TOMM20: variants seen among roughly 807,000 people sequenced by gnomAD.
The protein encoded by TOMM20 is mitochondrial import receptor subunit TOM20 homolog.
A neutral mutation model predicts 22.1 loss-of-function variants in TOMM20; 10 were observed. The observed-to-expected ratio is 0.45, with a 90% CI of 0.28 to 0.77. The LOEUF is 0.77. TOMM20 is among the 30% of genes least tolerant of loss of function. The pLI, the probability that TOMM20 is intolerant of heterozygous loss-of-function variation, is 0.13. For missense variants in TOMM20, 121 were observed against 172.2 expected, an observed-to-expected ratio of 0.70 and a Z score of 1.66; for synonymous variants, 55 against 61.4, an observed-to-expected ratio of 0.90 and a Z score of 0.49.
At chr1:235,122,441 G>T in intron 1 of TOMM20, 69 bp from the exon 2 acceptor site, 1 of 1,412,866 alleles carries the variant, frequency 7.1e-7, no homozygotes, top group Non-Finnish European at 9.7e-7. Flanking sequence ...AATTCTAACT[G>T]CTGTGGCAGT....
chr1:235,127,723 G>A (rs781741976), intron 1 of TOMM20: 1 of 362,954 alleles, frequency 2.8e-6, no homozygotes, highest in Non-Finnish European at 5.6e-6. Flanking sequence ...TCAATGATGC[G>A]AATGAAGATT....
At position 235,111,390 on chromosome 1, in the gene TOMM20, TA is replaced by T. The variant is rs1660736274; in HGVS notation, c.*673del. ...ACTAGCGAAGCTCACAAGGCTAGAT[TA>T]GGGGTGTACAGAAATCTAATTCCTG... On this transcript the variant is annotated 3_prime_UTR_variant, in exon 5 of 5. Transcript: ENST00000366607. 1 of 152,308 alleles carries T rather than the reference TA, an allele frequency of 6.6e-6. No individual in the cohort carries two copies. The highest frequency in any genetic ancestry group is 1.5e-5 in the Non-Finnish European group (1 of 68,132). 9.4% of individuals were successfully genotyped at this position (152,308 alleles called of 1,614,324 possible).
At chr1:235,119,477 A>G in intron 3 of TOMM20, 1 of 165,694 alleles carries the variant, frequency 6.0e-6, no homozygotes, top group Admixed American at 6.2e-5. Flanking sequence ...TTCAGTTACT[A>G]TTTACATATC....
Position 235,128,816 on chromosome 1 carries a change from C to T in TOMM20, c.-101G>A. The T allele has an allele frequency of 6.4e-7, 1 of 1,555,234 alleles. No individual in the cohort carries two copies. Among genetic ancestry groups the T allele is most frequent in the Non-Finnish European group, 8.7e-7 (1 of 1,152,528 alleles). On this transcript the variant is annotated 5_prime_UTR_variant, in exon 1 of 5. Transcript: ENST00000366607. The stretch of plus-strand genomic sequence containing the variant: ...GTCGGCGCAGCTCACACCCGACGGC[C>T]GCGGGCCAGGAACACAGAAAGGCCG...
chr1:235,117,583 C>T (rs1281540522), intron 3 of TOMM20, among the ~76,000 whole-genome samples: 1 of 152,074 alleles, frequency 6.6e-6, no homozygotes, highest in African/African-American at 2.4e-5. Context: ...CCATCATACC[C>T]GATGCACTTG....
At chr1:235,128,566 C>T (rs1309662906) in intron 1 of TOMM20, 29 bp downstream of exon 1, 1 of 1,611,602 alleles carries the variant, frequency 6.2e-7, no homozygotes, top group African/African-American at 1.3e-5. Context: ...AGGCAGCAAG[C>T]CTGGCCAGGG....
chr1:235,114,343 T>A (rs1163511766), intron 3 of TOMM20, among the ~76,000 whole-genome samples: 5 of 152,086 alleles, frequency 3.3e-5, no homozygotes, highest in East Asian at 1.9e-4. Flanking sequence ...GAAAAAAAAA[T>A]TTTAAGTGAT....
rs182821704 is a variant in TOMM20 at position 235,128,449 on chromosome 1, G to A, written c.121+146C>T. The A allele has an allele frequency of 6.9e-4, 904 of 1,300,956 alleles. 4 individuals carry two copies. Among genetic ancestry groups the A allele is most frequent in the East Asian group, 1.1e-3 (49 of 42,684 alleles). 80.6% of individuals were successfully genotyped at this position (1,300,956 alleles called of 1,614,324 possible). Reference sequence around the variant, plus strand: ...TACGGGGCACTAGAGCCCCCGGAGCGGCGCAGCCAGCGCCATCGCCTATTG... The same window carrying A: ...TACGGGGCACTAGAGCCCCCGGAGCAGCGCAGCCAGCGCCATCGCCTATTG... On this transcript the variant is annotated intron_variant, in intron 1 of 4. Transcript: ENST00000366607.
In TOMM20 at chr1:235,111,006, G is replaced by T. The variant is rs932793160; in HGVS notation, c.*1058C>A. ...ATAATCAAGTTGAAGCAGGATTAAG[G>T]AGGTACACTGAAGATAAAGCAAAAG... On this transcript the variant is annotated 3_prime_UTR_variant, in exon 5 of 5. Transcript: ENST00000366607. 2 of 152,174 alleles carry T rather than the reference G, an allele frequency of 1.3e-5. No individual in the cohort carries two copies. The highest frequency in any genetic ancestry group is 4.8e-5 in the African/African-American group (2 of 41,456). 9.4% of individuals were successfully genotyped at this position (152,174 alleles called of 1,614,324 possible).
At chr1:235,120,242 T>C (rs1293848341) in intron 2 of TOMM20, among the ~76,000 whole-genome samples, 1 of 152,226 alleles carries the variant, frequency 6.6e-6, no homozygotes, top group Non-Finnish European at 1.5e-5. Flanking sequence ...GTCCTTATGA[T>C]TCAACATTAT....
intron 1 of TOMM20, 78 bp from the exon 2 acceptor site, chr1:235,122,450 G>C: frequency 1.5e-6 from 2 of 1,351,178 alleles, no homozygotes; most frequent in Admixed American, 2.2e-5. Context: ...TGCTGTGGCA[G>C]TCATTAATTC....
chr1:235,122,257 T>C, intron 2 of TOMM20, 69 bp downstream of exon 2: 1 of 1,322,448 alleles, frequency 7.6e-7, no homozygotes. Flanking sequence ...TTTAATTACA[T>C]TTCCAATTAC....
intron 3 of TOMM20, among the ~76,000 whole-genome samples, chr1:235,115,966 G>A (rs930985090): frequency 2.6e-5 from 4 of 152,166 alleles, no homozygotes; most frequent in African/African-American, 4.8e-5. Context: ...ACTGTGGCTC[G>A]GGAAACCAGT....
intron 3 of TOMM20, among the ~76,000 whole-genome samples, chr1:235,115,748 C>T: frequency 6.6e-6 from 1 of 152,220 alleles, no homozygotes; most frequent in East Asian, 1.9e-4. Flanking sequence ...ACTGTCTTTT[C>T]AAGGATGTTT....
rs752406569 is a variant in TOMM20 at position 235,112,043 on chromosome 1, T to G, written c.*21A>C. ...TTTAAAATATTTTTAACTGAGATTT[T>G]ATTATGTTGACATTTGTTTCTCATT... is the stretch of plus-strand genomic sequence containing the variant. On this transcript the variant is annotated 3_prime_UTR_variant, in exon 5 of 5. Coordinates refer to ENST00000366607, the MANE Select transcript of TOMM20 (RefSeq NM_014765.3). 6.2e-7 allele frequency: 1 copy of G among 1,602,448 alleles called. No homozygotes were observed. Among genetic ancestry groups the G allele is most frequent in the Non-Finnish European group, 8.5e-7 (1 of 1,174,174 alleles).
At chr1:235,112,258 C>A in intron 4 of TOMM20, 150 bp from the exon 5 acceptor site, 1 of 658,738 alleles carries the variant, frequency 1.5e-6, no homozygotes, top group Non-Finnish European at 2.6e-6. Context: ...ACACTTTACA[C>A]ACAGTCGGCA....
intron 3 of TOMM20, among the ~76,000 whole-genome samples, chr1:235,119,152 G>T (rs67582306): frequency 0.16 from 23,612 of 152,146 alleles, 2,001 homozygotes; most frequent in Middle Eastern, 0.24. Flanking sequence ...TGAGATTATT[G>T]AGTAAATTAC....
At chr1:235,125,174 A>C (rs556884387) in intron 1 of TOMM20, among the ~76,000 whole-genome samples, 5 of 152,140 alleles carry the variant, frequency 3.3e-5, no homozygotes, top group Non-Finnish European at 5.9e-5. Context: ...ATTTAACCTC[A>C]AGCCTCATTT....
chr1:235,124,330 G>C (rs528967092), intron 1 of TOMM20, among the ~76,000 whole-genome samples: 1 of 152,348 alleles, frequency 6.6e-6, no homozygotes, highest in East Asian at 1.9e-4. Context: ...CTGGGCCACA[G>C]AGTGAGACTC....
Sources: allele counts gnomAD v4.1 joint callset (sites outside exome capture counted in the v4.1 genomes callset), GRCh38; gene constraint gnomAD v4.1.1; transcripts MANE v1.5; gene names NCBI Gene and HGNC (gene_info 2026-07-23, HGNC 2026-07-21).